The following SRPK2 variants were observed in gnomAD, a reference collection of about 807,000 sequenced individuals.
The protein encoded by SRPK2 is SRSF protein kinase 2.
SRPK2 carries 21 observed loss-of-function variants against 90.8 expected under a neutral mutation model. The ratio of observed to expected loss-of-function variants is 0.23; its 90% CI spans 0.16 to 0.33. The LOEUF is 0.33. Among genes scored for constraint, SRPK2 ranks in the 10% least tolerant of loss-of-function variants. The pLI is 1.00. For synonymous variants in SRPK2, 288 were observed against 311.1 expected (o/e 0.93, Z 0.78); for missense variants, 620 against 869.0 (o/e 0.71, Z 3.60).
intron 2 of SRPK2, among the ~76,000 whole-genome samples, chr7:105,309,034 C>T (rs1811430914): frequency 6.6e-6 from 1 of 152,034 alleles, no homozygotes; most frequent in Admixed American, 6.6e-5. Flanking sequence ...TGTGATCACT[C>T]CCCTATAAAA....
rs1023569576 is a variant in SRPK2, at chr7:105,274,019, T to TCA, written c.72-70236_72-70235dup. Among the ~76,000 whole-genome samples, 3 of 152,144 alleles carry TCA rather than the reference T, an allele frequency of 2.0e-5. No individual in the cohort carries two copies. In the East Asian group the frequency reaches 5.8e-4, roughly 29 times the overall value. ...AGGGGCAAAAAGATACTGGAGGCAA[T>TCA]CACATTCTTCATCTTCTCCAGAAGA... On this transcript the variant is annotated intron_variant, in intron 2 of 15. Coordinates refer to ENST00000393651, the MANE Select transcript of SRPK2 (RefSeq NM_182692.3).
intron 3 of SRPK2, among the ~76,000 whole-genome samples, chr7:105,190,756 A>C (rs1250464400): frequency 6.6e-6 from 1 of 152,144 alleles, no homozygotes; most frequent in East Asian, 1.9e-4. Flanking sequence ...GCAAGGTTAA[A>C]TTCTTTACTA....
At chr7:105,320,084 CA>C (rs1402668133) in intron 2 of SRPK2, among the ~76,000 whole-genome samples, 4 of 152,136 alleles carry the variant, frequency 2.6e-5, no homozygotes, top group Admixed American at 2.6e-4. Context: ...AATCTTCACA[CA>C]GTTACATTTT....
rs566511715 is a variant in SRPK2, at chr7:105,284,070, G to T, written c.72-80285C>A. Among the ~76,000 whole-genome samples, 80 of 151,986 alleles carry T rather than the reference G, an allele frequency of 5.3e-4. 1 individual carries two copies. Among genetic ancestry groups the T allele is most frequent in the Admixed American group, 2.6e-3 (40 of 15,264 alleles). On this transcript the variant is annotated intron_variant, in intron 2 of 15. Transcript: ENST00000393651. ...TGGGCGTTTTTTGTTTGTTTTTTTTGTTTGTTTGTTTTTTAAAGAAAAACT... is the reference window on the plus strand; with the variant it reads ...TGGGCGTTTTTTGTTTGTTTTTTTTTTTTGTTTGTTTTTTAAAGAAAAACT...
chr7:105,199,470 C>T (rs1795289470), intron 3 of SRPK2, among the ~76,000 whole-genome samples: 1 of 152,164 alleles, frequency 6.6e-6, no homozygotes, highest in Non-Finnish European at 1.5e-5. Flanking sequence ...CCCTTCCCAT[C>T]CTGGACCATT....
intron 11 of SRPK2, among the ~76,000 whole-genome samples, chr7:105,140,734 G>A (rs1033446712): frequency 6.6e-6 from 1 of 151,956 alleles, no homozygotes; most frequent in African/African-American, 2.4e-5. Flanking sequence ...AAGCTGAGGC[G>A]GGTGGATCAC....
intron 2 of SRPK2, among the ~76,000 whole-genome samples, chr7:105,308,771 T>C (rs575996330): frequency 1.6e-3 from 249 of 152,326 alleles, no homozygotes; most frequent in Middle Eastern, 3.4e-3. Flanking sequence ...TAAGAGGATA[T>C]TGTCAGCCAC....
At chr7:105,230,345 T>C (rs979059126) in intron 2 of SRPK2, among the ~76,000 whole-genome samples, 1 of 152,122 alleles carries the variant, frequency 6.6e-6, no homozygotes, top group African/African-American at 2.4e-5. Flanking sequence ...CAGCAGGGCA[T>C]ACGTCCAATA....
At chr7:105,284,124 T>G (rs1295201337) in intron 2 of SRPK2, among the ~76,000 whole-genome samples, 3 of 152,174 alleles carry the variant, frequency 2.0e-5, no homozygotes, top group Non-Finnish European at 4.4e-5. Context: ...TAAGCCAGGA[T>G]AAGAAACCGG....
chr7:105,328,571 A>G (rs1813878544), intron 2 of SRPK2, among the ~76,000 whole-genome samples: 1 of 137,258 alleles, frequency 7.3e-6, no homozygotes, highest in East Asian at 2.2e-4. Flanking sequence ...CAAAAAAAAA[A>G]AAAAAAAAAA....
At chr7:105,359,150 CTTTTTTTTTTTT>C (rs35765090) in intron 2 of SRPK2, among the ~76,000 whole-genome samples, 6 of 54,800 alleles carry the variant, frequency 1.1e-4, no homozygotes, top group African/African-American at 1.5e-4. Flanking sequence ...CAAACCACAG[CTTTTTTTTTTTT>C]TTTTTTTTTT....
chr7:105,245,532 A>G (rs762679472), intron 2 of SRPK2, among the ~76,000 whole-genome samples: 1 of 152,216 alleles, frequency 6.6e-6, no homozygotes, highest in Admixed American at 6.5e-5. Context: ...AAGAGAGGCT[A>G]GTGAACAATA....
chr7:105,247,987 T>A (rs1482946312), intron 2 of SRPK2, among the ~76,000 whole-genome samples: 1 of 151,930 alleles, frequency 6.6e-6, no homozygotes, highest in Admixed American at 6.6e-5. Flanking sequence ...CTCGAGTAGC[T>A]GGGATTACAG....
At chr7:105,225,908 C>T (rs527357547) in intron 2 of SRPK2, among the ~76,000 whole-genome samples, 1 of 152,296 alleles carries the variant, frequency 6.6e-6, no homozygotes, top group East Asian at 1.9e-4. Flanking sequence ...AGATTCAGCA[C>T]ATCAGTCTTA....
At chr7:105,170,934 GGAAA>G (rs1554435876) in intron 3 of SRPK2, among the ~76,000 whole-genome samples, 808 of 29,128 alleles carry the variant, frequency 0.028, 65 homozygotes, top group South Asian at 0.065. Context: ...AAAAGAAAAA[GGAAA>G]GAAAGAAAGA....
chr7:105,381,857 T>C (rs974928872), intron 2 of SRPK2, among the ~76,000 whole-genome samples: 14 of 152,068 alleles, frequency 9.2e-5, no homozygotes, highest in African/African-American at 2.9e-4. Flanking sequence ...TATAAACTTG[T>C]ATCATTACAT....
At chr7:105,386,258 G>T (rs1821581656) in intron 2 of SRPK2, among the ~76,000 whole-genome samples, 1 of 148,094 alleles carries the variant, frequency 6.8e-6, no homozygotes, top group South Asian at 2.1e-4. Flanking sequence ...AGCTTGCAGT[G>T]AGCCGAGATC....
upstream of SRPK2, chr7:105,389,348 C>A (rs772275465): frequency 3.1e-6 from 4 of 1,275,762 alleles, no homozygotes; most frequent in Non-Finnish European, 4.1e-6. Context: ...TCCCTTTGCT[C>A]CTCTACATCC....
chr7:105,306,859 G>C (rs1043015672), intron 2 of SRPK2, among the ~76,000 whole-genome samples: 3 of 152,142 alleles, frequency 2.0e-5, no homozygotes, highest in Non-Finnish European at 2.9e-5. Context: ...AAATATGGGG[G>C]AAAAATGTTT....
Sources: allele counts gnomAD v4.1 joint callset (sites outside exome capture counted in the v4.1 genomes callset), GRCh38; gene constraint gnomAD v4.1.1; transcripts MANE v1.5; gene names NCBI Gene and HGNC (gene_info 2026-07-23, HGNC 2026-07-21).